The following FNIP1 variants were observed in gnomAD, a reference collection of about 807,000 sequenced individuals.
The protein encoded by FNIP1 is folliculin-interacting protein 1.
FNIP1 carries 40 observed loss-of-function variants against 124.5 expected under a neutral mutation model. That is an observed-to-expected ratio of 0.32 (90% CI 0.25 to 0.42). The LOEUF (loss-of-function observed/expected upper bound fraction) is 0.42. FNIP1 is among the 10% of genes least tolerant of loss of function. The pLI, the probability that FNIP1 is intolerant of heterozygous loss-of-function variation, is 1.00. For synonymous variants in FNIP1, 472 were observed against 470.6 expected (o/e 1.00, Z -0.04); for missense variants, 1,176 against 1,403.7 (o/e 0.84, Z 2.59).
Position 131,651,834 on chromosome 5 carries a change from GAA to G in FNIP1, c.3272_3273del (p.Leu1091ProfsTer4). ...SLVSNLLHST[L>X]QLYKHNLSPN... is the part of the protein sequence containing the mutation. The stretch of plus-strand genomic sequence containing the variant: ...GGAGACAAGTTATGCTTATAAAGCT[GAA>G]GTGTGGAATGAAGCAGATTGGAAAC... On this transcript the variant is annotated frameshift_variant, in exon 16 of 18. Coordinates refer to ENST00000510461, the MANE Select transcript of FNIP1 (RefSeq NM_133372.3). LOFTEE classifies it high-confidence loss of function. 6.2e-7 allele frequency: 1 copy of G among 1,614,144 alleles called. No homozygotes were observed. The highest frequency in any genetic ancestry group is 8.5e-7 in the Non-Finnish European group (1 of 1,180,028).
chr5:131,729,326 G>A (rs1328895999), intron 3 of FNIP1, among the ~76,000 whole-genome samples: 1 of 152,220 alleles, frequency 6.6e-6, no homozygotes, highest in Non-Finnish European at 1.5e-5. Context: ...GGAGATGGGA[G>A]TTTTATCTAT....
At chr5:131,725,727 T>C (rs1024316766) in intron 3 of FNIP1, among the ~76,000 whole-genome samples, 2 of 152,182 alleles carry the variant, frequency 1.3e-5, no homozygotes, top group Non-Finnish European at 2.9e-5. Context: ...GAACTTCCAA[T>C]ACTATGTTGA....
At chr5:131,759,251 G>A (rs1771147888) in intron 1 of FNIP1, among the ~76,000 whole-genome samples, 1 of 152,116 alleles carries the variant, frequency 6.6e-6, no homozygotes, top group Non-Finnish European at 1.5e-5. Context: ...ATTGACAAGT[G>A]GGACCTAATT....
At chr5:131,769,574 G>C (rs1442333157) in intron 1 of FNIP1, among the ~76,000 whole-genome samples, 1 of 152,174 alleles carries the variant, frequency 6.6e-6, no homozygotes, top group East Asian at 1.9e-4. Flanking sequence ...AAGACTGTCA[G>C]ATGACATACC....
intron 1 of FNIP1, among the ~76,000 whole-genome samples, chr5:131,777,879 A>G (rs1398257727): frequency 4.6e-5 from 7 of 152,192 alleles, no homozygotes; most frequent in African/African-American, 1.4e-4. Context: ...CCTCCAGGTG[A>G]TTCTGATGAA....
At chr5:131,730,455 G>C (rs970222186) in intron 3 of FNIP1, among the ~76,000 whole-genome samples, 8 of 152,140 alleles carry the variant, frequency 5.3e-5, no homozygotes, top group African/African-American at 1.9e-4. Context: ...AATACATTTA[G>C]AGAGAAGTTC....
Position 131,641,983 on chromosome 5 carries a change from C to T in FNIP1, c.*2702G>A, listed in dbSNP as rs1365844587. 6.6e-6 allele frequency: 1 copy of T among 152,628 alleles called. No individual in the cohort carries two copies. Among genetic ancestry groups the T allele is most frequent in the Non-Finnish European group, 1.5e-5 (1 of 68,008 alleles). 9.5% of individuals were successfully genotyped at this position (152,628 alleles called of 1,614,324 possible). ...ACTAGTATGTTTTTATTGCACTTAA[C>T]ATTTTCAAACTCAAAATTAAGACAT... On this transcript the variant is annotated 3_prime_UTR_variant, in exon 18 of 18. Transcript: ENST00000510461.
intron 15 of FNIP1, among the ~76,000 whole-genome samples, chr5:131,660,161 G>A (rs1164521416): frequency 6.6e-6 from 1 of 152,094 alleles, no homozygotes; most frequent in African/African-American, 2.4e-5. Context: ...TGGTGAGGGT[G>A]AGGCTCTGTG....
At chr5:131,735,688 A>G (rs1770277546) in intron 2 of FNIP1, among the ~76,000 whole-genome samples, 1 of 150,468 alleles carries the variant, frequency 6.6e-6, no homozygotes, top group Admixed American at 6.7e-5. Flanking sequence ...TATGTATATT[A>G]GAAGAACTAG....
At chr5:131,775,490 C>CAATATA (rs1398129154) in intron 1 of FNIP1, among the ~76,000 whole-genome samples, 1 of 145,904 alleles carries the variant, frequency 6.9e-6, no homozygotes, top group African/African-American at 2.5e-5. Flanking sequence ...TTGAATTTAT[C>CAATATA]AATATAAATA....
chr5:131,785,177 T>TC (rs958678925), intron 1 of FNIP1, among the ~76,000 whole-genome samples: 3 of 84,900 alleles, frequency 3.5e-5, no homozygotes, highest in Non-Finnish European at 5.3e-5. Context: ...TATATATATA[T>TC]CATATATATG....
chr5:131,659,558 T>G (rs1767344325), intron 15 of FNIP1, among the ~76,000 whole-genome samples: 1 of 152,050 alleles, frequency 6.6e-6, no homozygotes, highest in Admixed American at 6.5e-5. Context: ...CATGAGGTAG[T>G]TAGTAAGGTC....
chr5:131,735,819 G>T (rs1770283389), intron 2 of FNIP1, among the ~76,000 whole-genome samples: 2 of 151,538 alleles, frequency 1.3e-5, no homozygotes, highest in Admixed American at 1.3e-4. Context: ...GTGTGTGTGT[G>T]TGTGTGTGTG....
chr5:131,678,281 C>T (rs1202372022), intron 12 of FNIP1, among the ~76,000 whole-genome samples: 1 of 152,110 alleles, frequency 6.6e-6, no homozygotes, highest in African/African-American at 2.4e-5. Context: ...TGTCTATCAT[C>T]AAAGAGAATA....
intron 2 of FNIP1, among the ~76,000 whole-genome samples, chr5:131,737,180 C>T (rs769635030): frequency 1.3e-5 from 2 of 152,156 alleles, no homozygotes; most frequent in African/African-American, 4.8e-5. Flanking sequence ...CCTGTGCTTA[C>T]ATGAGGGATT....
intron 1 of FNIP1, among the ~76,000 whole-genome samples, chr5:131,771,545 T>C (rs903078838): frequency 1.3e-5 from 2 of 152,132 alleles, no homozygotes; most frequent in Non-Finnish European, 2.9e-5. Flanking sequence ...AATTAGAAGT[T>C]TACTTCTCTA....
intron 1 of FNIP1, among the ~76,000 whole-genome samples, chr5:131,768,552 G>A (rs573786961): frequency 6.6e-6 from 1 of 151,846 alleles, no homozygotes; most frequent in African/African-American, 2.4e-5. Flanking sequence ...GCTCATGCCT[G>A]TAATCCCAGC....
At chr5:131,648,173 T>TAAAAA (rs577945348) in intron 16 of FNIP1, among the ~76,000 whole-genome samples, 6 of 113,332 alleles carry the variant, frequency 5.3e-5, no homozygotes, top group Non-Finnish European at 8.5e-5. Flanking sequence ...CTACAAAAAT[T>TAAAAA]AAAAAAAAAA....
intron 6 of FNIP1, among the ~76,000 whole-genome samples, chr5:131,712,853 G>A (rs936105339): frequency 3.3e-5 from 5 of 152,100 alleles, no homozygotes; most frequent in African/African-American, 4.8e-5. Context: ...ACCCTGAGTC[G>A]TCCCATTCTG....
Sources: gnomAD v4.1 joint callset for allele counts (sites outside exome capture counted in the v4.1 genomes callset) on GRCh38, gnomAD v4.1.1 for gene constraint, MANE v1.5 for transcripts, NCBI Gene and HGNC (gene_info 2026-07-23, HGNC 2026-07-21) for gene names.